Variants in RASGEF1A observed in about 807,000 individuals in gnomAD.
RASGEF1A encodes RasGEF domain family member 1A.
Under a neutral mutation model 56.4 loss-of-function variants are expected in RASGEF1A, and 18 were observed. That is an observed-to-expected ratio of 0.32 (90% CI 0.22 to 0.47). The LOEUF (loss-of-function observed/expected upper bound fraction) is 0.47, where lower values mean the gene tolerates loss of function less well. Ranked by LOEUF, RASGEF1A falls within the 20% of genes least tolerant of loss-of-function variation. The pLI, the probability that RASGEF1A is intolerant of heterozygous loss-of-function variation, is 1.00. For synonymous variants in RASGEF1A, 245 were observed against 242.6 expected (o/e 1.01, Z -0.09); for missense variants, 422 against 627.1 (o/e 0.67, Z 3.49).
chr10:43,227,760 C>A (rs1018969080), intron 1 of RASGEF1A, among the ~76,000 whole-genome samples: 13 of 152,224 alleles, frequency 8.5e-5, no homozygotes, highest in Admixed American at 6.5e-4. Context: ...AAGTGTTGAA[C>A]TGTCCCTGCT....
In RASGEF1A at chr10:43,199,728, T is replaced by C. The variant is rs752179523; in HGVS notation, c.797A>G (p.Tyr266Cys). The C allele has an allele frequency of 6.2e-7, 1 of 1,613,740 alleles. No homozygotes were observed. Among genetic ancestry groups the C allele is most frequent in the South Asian group, 1.1e-5 (1 of 91,080 alleles). Residue 266 changes from tyrosine to cysteine, a missense_variant, in exon 7 of 13, where the codon TAT becomes TGT. Physicochemically the swap from Tyr to Cys is radical, Grantham distance 194. Coordinates refer to ENST00000395810, the MANE Select transcript of RASGEF1A (RefSeq NM_145313.4). The stretch of plus-strand genomic sequence containing the variant: ...GCTCAGGCAGTTGAACCAGTTGTCA[T>C]AGGCCTCCAGGCTGTAGGTCTTGGT... ...DLTKTYSLEA[Y>C]DNWFNCLSML...
intron 9 of RASGEF1A, among the ~76,000 whole-genome samples, chr10:43,198,698 C>T (rs1021189018): frequency 6.6e-6 from 1 of 152,200 alleles, no homozygotes; most frequent in African/African-American, 2.4e-5. Flanking sequence ...CTTGCTTAAC[C>T]GCATTCCACT....
At chr10:43,251,288 C>T (rs529858938) in intron 1 of RASGEF1A, among the ~76,000 whole-genome samples, 15 of 152,270 alleles carry the variant, frequency 9.9e-5, no homozygotes, top group African/African-American at 3.1e-4. Context: ...CCTGTGGGTT[C>T]GGCACCAGGT....
chr10:43,208,052 A>G, intron 1 of RASGEF1A: 1 of 985,426 alleles, frequency 1.0e-6, no homozygotes, highest in Non-Finnish European at 1.2e-6. Context: ...TGTGCAATGA[A>G]GTCACGAAGG....
At chr10:43,244,836 T>A (rs190878456) in intron 1 of RASGEF1A, among the ~76,000 whole-genome samples, 1 of 151,900 alleles carries the variant, frequency 6.6e-6, no homozygotes, top group African/African-American at 2.4e-5. Flanking sequence ...AATATATATA[T>A]AAAACTATAA....
At chr10:43,202,081 C>G in intron 3 of RASGEF1A, 136 bp from the exon 4 acceptor site, 1 of 989,156 alleles carries the variant, frequency 1.0e-6, no homozygotes, top group Non-Finnish European at 1.4e-6. Flanking sequence ...TGCGTGCCAC[C>G]TGCGGTTTGG....
At chr10:43,198,751 C>T (rs1480588827) in intron 9 of RASGEF1A, among the ~76,000 whole-genome samples, 182 bp downstream of exon 9, 3 of 152,210 alleles carry the variant, frequency 2.0e-5, no homozygotes, top group South Asian at 2.1e-4. Flanking sequence ...CTGAAGTAAC[C>T]GAGGACAACT....
rs1236014432 is a variant in RASGEF1A, at chr10:43,244,452, CTAACAGACA to C, written c.-7+22384_-7+22392del. Among the ~76,000 whole-genome samples, 5 of 150,774 alleles carry C rather than the reference CTAACAGACA, an allele frequency of 3.3e-5. 1 individual carries two copies. The highest frequency in any genetic ancestry group is 2.0e-4 in the Admixed American group (3 of 15,130). On this transcript the variant is annotated intron_variant, in intron 1 of 12. Coordinates refer to ENST00000395810, the MANE Select transcript of RASGEF1A (RefSeq NM_145313.4). The stretch of plus-strand genomic sequence containing the variant: ...GAACAACACTTTAAGCCAACTAGAC[CTAACAGACA>C]TCGACAGAACACTCCACTTAACAAC...
chr10:43,254,919 GCC>G (rs546714192), intron 1 of RASGEF1A, among the ~76,000 whole-genome samples: 21 of 152,296 alleles, frequency 1.4e-4, no homozygotes, highest in African/African-American at 4.8e-4. Context: ...GTAGCTGGTA[GCC>G]CCAGGGCCCA....
chr10:43,259,315 T>A (rs1315454041), intron 1 of RASGEF1A, among the ~76,000 whole-genome samples: 1 of 152,112 alleles, frequency 6.6e-6, no homozygotes, highest in Non-Finnish European at 1.5e-5. Flanking sequence ...GTAGTAGCAG[T>A]GGCCCCTGGG....
intron 1 of RASGEF1A, among the ~76,000 whole-genome samples, chr10:43,256,059 G>C (rs1840685288): frequency 6.6e-6 from 1 of 152,178 alleles, no homozygotes; most frequent in Admixed American, 6.5e-5. Flanking sequence ...TTTAGACAGA[G>C]GCCATCCCCA....
At chr10:43,223,407 T>C (rs1840234445) in intron 1 of RASGEF1A, among the ~76,000 whole-genome samples, 1 of 152,228 alleles carries the variant, frequency 6.6e-6, no homozygotes, top group Admixed American at 6.5e-5. Context: ...GTGTTAAAGA[T>C]TCAAATTCCA....
chr10:43,244,607 T>C (rs1840549854), intron 1 of RASGEF1A, among the ~76,000 whole-genome samples: 1 of 144,572 alleles, frequency 6.9e-6, no homozygotes, highest in Non-Finnish European at 1.6e-5. Context: ...GTATGTTCTG[T>C]GACCACAATA....
At chr10:43,206,983 C>G (rs748471248) in intron 1 of RASGEF1A, 22 of 985,356 alleles carry the variant, frequency 2.2e-5, no homozygotes, top group Non-Finnish European at 2.5e-5. Flanking sequence ...GGCTCAGGGT[C>G]TCACCACACC....
Position 43,200,708 on chromosome 10 carries a change from C to T in RASGEF1A, c.640G>A (p.Asp214Asn), listed in dbSNP as rs1383423036. Residue 214 changes from aspartate (D) to asparagine (N), a missense_variant, in exon 5 of 13, where the codon GAC becomes AAC. Transcript: ENST00000395810. Reference sequence around the variant, plus strand: ...AGCTGCTGGGCCAGCACCAGGGGGTCGCAGCACACGCCCAGGATGTCCTTC... The same window carrying T: ...AGCTGCTGGGCCAGCACCAGGGGGTTGCAGCACACGCCCAGGATGTCCTTC... ...AQKDILGVCC[D>N]PLVLAQQLTH... 14 of 1,613,276 alleles carry T rather than the reference C, an allele frequency of 8.7e-6. No homozygotes were observed. The highest frequency in any genetic ancestry group is 1.2e-5 in the Non-Finnish European group (14 of 1,180,036).
intron 1 of RASGEF1A, chr10:43,207,717 A>T (rs1840016445): frequency 1.0e-6 from 1 of 985,114 alleles, no homozygotes; most frequent in Non-Finnish European, 1.2e-6. Flanking sequence ...CACACAAGTT[A>T]GAATGCACAT....
intron 1 of RASGEF1A, among the ~76,000 whole-genome samples, chr10:43,231,774 C>T (rs754983521): frequency 2.6e-5 from 4 of 152,250 alleles, no homozygotes; most frequent in Non-Finnish European, 5.9e-5. Context: ...TGGGGCTGAG[C>T]CCTGCCAGGC....
rs2133222027 is a variant in RASGEF1A at position 43,246,897 on chromosome 10, T to C, written c.-7+19948A>G. On this transcript the variant is annotated intron_variant, in intron 1 of 12. Coordinates refer to ENST00000395810, the MANE Select transcript of RASGEF1A (RefSeq NM_145313.4). ...AATATGACACCAAAAGCATGTGCAG[T>C]CAAATTTTAAAAGAGATAAATTGGA... Among the ~76,000 whole-genome samples the C allele has an allele frequency of 1.3e-5, 2 of 152,350 alleles. 1 individual carries two copies. The highest frequency in any genetic ancestry group is 4.1e-4 in the South Asian group (2 of 4,828).
At chr10:43,201,691 TG>T in intron 4 of RASGEF1A, 116 bp downstream of exon 4, 1 of 1,154,764 alleles carries the variant, frequency 8.7e-7, no homozygotes, top group Non-Finnish European at 1.2e-6. Flanking sequence ...GCAACCCTCC[TG>T]GGGGAGTAAC....
Sources: allele counts gnomAD v4.1 joint callset (sites outside exome capture counted in the v4.1 genomes callset), GRCh38; gene constraint gnomAD v4.1.1; transcripts MANE v1.5; gene names NCBI Gene and HGNC (gene_info 2026-07-23, HGNC 2026-07-21).